LSAMP: variants seen among roughly 807,000 people sequenced by gnomAD.
LSAMP encodes the protein limbic system associated membrane protein, also known as limbic system-associated membrane protein.
Under a neutral mutation model 38.6 loss-of-function variants are expected in LSAMP, and 7 were observed. That is an observed-to-expected ratio of 0.18 (90% confidence interval 0.10 to 0.34). The LOEUF (loss-of-function observed/expected upper bound fraction) is 0.34. LSAMP is among the 10% of genes least tolerant of loss of function. The pLI is 1.00. For missense variants in LSAMP, 313 were observed against 420.0 expected (o/e 0.75, Z 2.23); for synonymous variants, 154 against 166.8 (o/e 0.92, Z 0.59).
intron 1 of LSAMP, among the ~76,000 whole-genome samples, chr3:116,344,789 A>G (rs1027779994): frequency 6.6e-6 from 1 of 152,168 alleles, no homozygotes; most frequent in Non-Finnish European, 1.5e-5. Context: ...ATAAATATTT[A>G]CTTAGTCAGT....
intron 1 of LSAMP, among the ~76,000 whole-genome samples, chr3:116,440,029 C>G (rs888080569): frequency 6.6e-6 from 1 of 152,204 alleles, no homozygotes. Flanking sequence ...CTGACAGTTT[C>G]AGCATTTTGT....
At chr3:116,164,493 C>T (rs570213878) in intron 1 of LSAMP, among the ~76,000 whole-genome samples, 128 of 147,512 alleles carry the variant, frequency 8.7e-4, no homozygotes, top group African/African-American at 2.9e-3. Flanking sequence ...CCTAAACAGA[C>T]GAAGATAAGA....
At chr3:115,836,420 G>A (rs1934787405) in intron 6 of LSAMP, among the ~76,000 whole-genome samples, 1 of 152,188 alleles carries the variant, frequency 6.6e-6, no homozygotes, top group African/African-American at 2.4e-5. Context: ...CCACTTATAA[G>A]GAAAACGAAA....
intron 1 of LSAMP, among the ~76,000 whole-genome samples, chr3:116,429,829 A>G (rs1035971761): frequency 6.6e-6 from 1 of 152,172 alleles, no homozygotes; most frequent in African/African-American, 2.4e-5. Flanking sequence ...TTGGGGGAGT[A>G]AAGAGTTTGA....
intron 3 of LSAMP, among the ~76,000 whole-genome samples, chr3:115,961,325 A>C (rs1938619573): frequency 6.6e-6 from 1 of 152,214 alleles, no homozygotes; most frequent in South Asian, 2.1e-4. Context: ...CATTCACACA[A>C]TTTTATCTTA....
intron 1 of LSAMP, among the ~76,000 whole-genome samples, chr3:116,443,579 G>A (rs1435714685): frequency 6.6e-6 from 1 of 152,150 alleles, no homozygotes; most frequent in African/African-American, 2.4e-5. Flanking sequence ...TCTGAGAAAA[G>A]GAAAGAAAAC....
At chr3:116,247,415 T>G (rs1197295033) in intron 1 of LSAMP, among the ~76,000 whole-genome samples, 1 of 152,214 alleles carries the variant, frequency 6.6e-6, no homozygotes, top group Non-Finnish European at 1.5e-5. Flanking sequence ...AGGATCAATA[T>G]TATCCTCTAA....
chr3:116,399,495 C>T (rs2048811214), intron 1 of LSAMP, among the ~76,000 whole-genome samples: 1 of 152,052 alleles, frequency 6.6e-6, no homozygotes, highest in Admixed American at 6.6e-5. Flanking sequence ...AAAACACTGG[C>T]AAAGAGAGGA....
intron 1 of LSAMP, among the ~76,000 whole-genome samples, chr3:116,295,863 TTC>T (rs2047325807): frequency 1.3e-5 from 2 of 152,174 alleles, no homozygotes; most frequent in East Asian, 3.8e-4. Flanking sequence ...CAGTTCAGAC[TTC>T]AGATTAAGAA....
intron 2 of LSAMP, among the ~76,000 whole-genome samples, chr3:116,037,309 C>A (rs1941068130): frequency 6.6e-6 from 1 of 152,050 alleles, no homozygotes; most frequent in Non-Finnish European, 1.5e-5. Flanking sequence ...GGGAGGATTT[C>A]AGGATAATAG....
At chr3:116,396,291 A>G (rs907591901) in intron 1 of LSAMP, among the ~76,000 whole-genome samples, 8 of 152,152 alleles carry the variant, frequency 5.3e-5, no homozygotes. Context: ...ACAGTTTTAG[A>G]TGGGAGGAAA....
intron 6 of LSAMP, among the ~76,000 whole-genome samples, chr3:115,812,660 C>T (rs1933875712): frequency 6.6e-6 from 1 of 152,068 alleles, no homozygotes. Context: ...GTTTTCAAAA[C>T]AGAGAAAAAC....
chr3:115,963,440 T>C (rs1272542650), intron 3 of LSAMP, among the ~76,000 whole-genome samples: 2 of 152,218 alleles, frequency 1.3e-5, no homozygotes, highest in African/African-American at 4.8e-5. Context: ...TTTGAAAGTA[T>C]TGTACTCTGG....
chr3:116,202,580 G>T (rs904315304), intron 1 of LSAMP, among the ~76,000 whole-genome samples: 56 of 152,044 alleles, frequency 3.7e-4, no homozygotes, highest in African/African-American at 1.3e-3. Flanking sequence ...AAGTAGCTAG[G>T]ACTACAGATG....
intron 1 of LSAMP, among the ~76,000 whole-genome samples, chr3:116,095,041 T>C (rs980555517): frequency 6.6e-6 from 1 of 152,214 alleles, no homozygotes; most frequent in Non-Finnish European, 1.5e-5. Flanking sequence ...AGGAAAAACA[T>C]TGATTTCTCT....
rs1019826936 is a variant in LSAMP at position 116,278,655 on chromosome 3, T to C, written c.155+166222A>G. On this transcript the variant is annotated intron_variant, in intron 1 of 6. Transcript: ENST00000490035. ...CCTTAGATAATGACAGGAACCCCTTTTGTGTCATGAAAATATCTAGTAAAG... is the reference window on the plus strand; with the variant it reads ...CCTTAGATAATGACAGGAACCCCTTCTGTGTCATGAAAATATCTAGTAAAG... 1.4e-4 allele frequency among the ~76,000 whole-genome samples: 21 copies of C among 152,176 alleles called. 1 individual carries two copies. Among genetic ancestry groups the C allele is most frequent in the African/African-American group, 4.8e-4 (20 of 41,454 alleles).
At chr3:115,984,967 A>G (rs1354046482) in intron 3 of LSAMP, among the ~76,000 whole-genome samples, 1 of 152,210 alleles carries the variant, frequency 6.6e-6, no homozygotes, top group African/African-American at 2.4e-5. Flanking sequence ...TATGGGGAAC[A>G]GCTGGAAATG....
intron 1 of LSAMP, among the ~76,000 whole-genome samples, chr3:116,208,720 A>G (rs1226064565): frequency 7.5e-6 from 1 of 132,956 alleles, no homozygotes; most frequent in Non-Finnish European, 1.7e-5. Context: ...CTCGGGGGTC[A>G]GGGGTCAGGG....
At chr3:115,874,300 G>T (rs1388917101) in intron 3 of LSAMP, among the ~76,000 whole-genome samples, 1 of 152,058 alleles carries the variant, frequency 6.6e-6, no homozygotes, top group South Asian at 2.1e-4. Flanking sequence ...CCTTTAGGAA[G>T]TCTGTCTCAG....
Sources: gnomAD v4.1 joint callset for allele counts (sites outside exome capture counted in the v4.1 genomes callset) on GRCh38, gnomAD v4.1.1 for gene constraint, MANE v1.5 for transcripts, NCBI Gene and HGNC (gene_info 2026-07-23, HGNC 2026-07-21) for gene names.